The following LCOR variants were observed in gnomAD, a reference collection of about 807,000 sequenced individuals.
The protein encoded by LCOR is ligand-dependent corepressor.
A neutral mutation model predicts 64.4 loss-of-function variants in LCOR; 14 were observed. The ratio of observed to expected loss-of-function variants is 0.22; its 90% CI spans 0.14 to 0.34. The LOEUF is 0.34. Among genes scored for constraint, LCOR ranks in the 10% least tolerant of loss-of-function variants. The probability of loss-of-function intolerance (pLI) is 1.00; values close to 1 mark genes in which losing one functional copy is unlikely to be tolerated. For synonymous variants in LCOR, 643 were observed against 642.5 expected (o/e 1.00, Z -0.01); for missense variants, 1,686 against 1,765.3 (o/e 0.96, Z 0.80).
intron 4 of LCOR, among the ~76,000 whole-genome samples, chr10:96,917,510 A>C (rs1564625099): frequency 6.6e-6 from 1 of 152,226 alleles, no homozygotes; most frequent in African/African-American, 2.4e-5. Flanking sequence ...AAGAAAATAT[A>C]AGTACTGTAG....
chr10:96,958,232 G>T, intron 7 of LCOR: 1 of 1,330,412 alleles, frequency 7.5e-7, no homozygotes, highest in Non-Finnish European at 9.6e-7. Flanking sequence ...CATCACTAAA[G>T]GCCCATTAAA....
chr10:96,897,312 A>G (rs1846556065), intron 2 of LCOR, among the ~76,000 whole-genome samples: 1 of 152,234 alleles, frequency 6.6e-6, no homozygotes, highest in Non-Finnish European at 1.5e-5. Context: ...TGATTTACAA[A>G]CAGTGCTCAT....
chr10:96,878,362 T>C (rs1321027025), intron 2 of LCOR, among the ~76,000 whole-genome samples: 3 of 152,212 alleles, frequency 2.0e-5, no homozygotes, highest in Non-Finnish European at 2.9e-5. Context: ...AGGTTGCTCG[T>C]ACCAGATACT....
chr10:96,959,206 ATAGAG>A (rs1847842578), intron 7 of LCOR: 1 of 152,106 alleles, frequency 6.6e-6, no homozygotes, highest in African/African-American at 2.4e-5. Context: ...ACAATGTGTA[ATAGAG>A]ATTGGTCTAT....
chr10:96,858,624 G>A (rs567799078), intron 2 of LCOR, among the ~76,000 whole-genome samples: 5 of 152,318 alleles, frequency 3.3e-5, no homozygotes, highest in African/African-American at 1.2e-4. Context: ...CTAGCATTTA[G>A]TAATTAGGCT....
Position 96,983,220 on chromosome 10 carries a change from C to T in LCOR, c.2760C>T (p.Val920=). Residue 920 remains valine, a synonymous_variant, in exon 8 of 8, where the codon GTC becomes GTT. Coordinates refer to ENST00000421806, the MANE Select transcript of LCOR (RefSeq NM_001346516.2). This position sits in a 1 kb window ranked among gnomAD's most constrained non-coding sequence, Gnocchi z 4.5. ...TGAAAAACATGCTGGACAAAGAAGT[C>T]AAGGAGTTACGAGGAGAGATTTTCC... ...QTLKNMLDKE[V]KELRGEIFPS... 1 of 1,614,100 alleles carries T rather than the reference C, an allele frequency of 6.2e-7. No homozygotes were observed. Among genetic ancestry groups the T allele is most frequent in the Non-Finnish European group, 8.5e-7 (1 of 1,180,040 alleles).
chr10:96,970,644 TTTTATTTTA>T (rs1209989834), intron 7 of LCOR, among the ~76,000 whole-genome samples: 3 of 148,760 alleles, frequency 2.0e-5, no homozygotes, highest in African/African-American at 5.0e-5. Flanking sequence ...TTTTATTTTA[TTTTATTTTA>T]TTTATTTTAT....
At chr10:96,925,527 CCTT>C (rs1362648854) in intron 4 of LCOR, among the ~76,000 whole-genome samples, 1 of 152,138 alleles carries the variant, frequency 6.6e-6, no homozygotes, top group Non-Finnish European at 1.5e-5. Context: ...GATATATCCT[CCTT>C]TATGCATCAT....
rs1292022464 is a variant in LCOR, at chr10:96,994,483, A to G, written c.*9349A>G. On this transcript the variant is annotated 3_prime_UTR_variant, in exon 8 of 8. Transcript: ENST00000421806. ...AGATAACCATTAATAGAAGTAATGT[A>G]GTTTTTTAGGCTTTTGGAATATGTC... The G allele has an allele frequency of 1.3e-5, 2 of 152,362 alleles. No homozygotes were observed. Among genetic ancestry groups the G allele is most frequent in the Non-Finnish European group, 1.5e-5 (1 of 68,034 alleles). The allele number at this position is 152,362 out of a possible 1,614,324, so 9.4% of individuals were successfully genotyped here. A position where few individuals can be genotyped will look rare whatever the true frequency, so the allele number is the denominator to read the frequency against.
intron 4 of LCOR, among the ~76,000 whole-genome samples, chr10:96,942,296 A>G (rs1209248234): frequency 2.0e-5 from 3 of 151,918 alleles, no homozygotes; most frequent in Non-Finnish European, 4.4e-5. Flanking sequence ...AACGAAAACC[A>G]GTCAGGCGTG....
chr10:96,916,243 G>A (rs1183409184), intron 4 of LCOR, among the ~76,000 whole-genome samples: 1 of 152,046 alleles, frequency 6.6e-6, no homozygotes, highest in African/African-American at 2.4e-5. Flanking sequence ...TTGTTAGCCA[G>A]GATGGTCTCA....
intron 2 of LCOR, among the ~76,000 whole-genome samples, chr10:96,863,183 G>T (rs534605801): frequency 6.9e-5 from 10 of 145,302 alleles, no homozygotes; most frequent in African/African-American, 2.6e-4. Flanking sequence ...ATGCCCAGCC[G>T]AAGTAATATG....
At position 96,949,289 on chromosome 10, in the gene LCOR, G is replaced by C. The variant is rs746469489; in HGVS notation, c.232G>C (p.Glu78Gln). Residue 78 changes from glutamate (E) to glutamine (Q), a missense_variant, in exon 6 of 8, where the codon GAA (glutamate) becomes CAA (glutamine). This residue lies in a region of LCOR where 80 missense variants were observed against 107.7 expected (regional missense o/e 0.74). Transcript: ENST00000421806. ...CAGAAAGTCTCAGTCAGAACCTAGCGAACAAGGTATGGTTTGATGTCAAGG... is the reference window on the plus strand; with the variant it reads ...CAGAAAGTCTCAGTCAGAACCTAGCCAACAAGGTATGGTTTGATGTCAAGG... Reference protein sequence around the residue: ...TVRKSQSEPSEQDGVLDLSTK... With the variant: ...TVRKSQSEPSQQDGVLDLSTK... 1 of 1,613,774 alleles carries C rather than the reference G, an allele frequency of 6.2e-7. No homozygotes were observed. Among genetic ancestry groups the C allele is most frequent in the Non-Finnish European group, 8.5e-7 (1 of 1,179,912 alleles).
At chr10:96,955,483 T>C in intron 7 of LCOR, 3 of 1,614,118 alleles carry the variant, frequency 1.9e-6, no homozygotes, top group Non-Finnish European at 2.5e-6. Flanking sequence ...GAGAGCGCGC[T>C]TAGTAAAAAA....
At chr10:96,861,825 C>T (rs1239220936) in intron 2 of LCOR, among the ~76,000 whole-genome samples, 3 of 152,118 alleles carry the variant, frequency 2.0e-5, no homozygotes, top group South Asian at 2.1e-4. Context: ...AGTCACTGCG[C>T]CCAACCAAGG....
intron 4 of LCOR, among the ~76,000 whole-genome samples, chr10:96,930,836 G>A (rs1005863671): frequency 2.6e-5 from 4 of 152,168 alleles, no homozygotes; most frequent in African/African-American, 9.7e-5. Context: ...TGCCATGTGA[G>A]AGCGCAGCAA....
At chr10:96,943,051 A>G (rs917555287) in intron 4 of LCOR, among the ~76,000 whole-genome samples, 5 of 152,140 alleles carry the variant, frequency 3.3e-5, no homozygotes, top group African/African-American at 9.7e-5. Flanking sequence ...GGGGATGATT[A>G]TAGTGCAGCA....
At chr10:96,926,520 A>G (rs1317715168) in intron 4 of LCOR, among the ~76,000 whole-genome samples, 2 of 152,192 alleles carry the variant, frequency 1.3e-5, no homozygotes, top group Non-Finnish European at 2.9e-5. Context: ...TATATTCAGT[A>G]TCTTTAATAC....
chr10:96,951,248 A>G (rs1847673270), intron 6 of LCOR, among the ~76,000 whole-genome samples: 1 of 152,142 alleles, frequency 6.6e-6, no homozygotes, highest in Non-Finnish European at 1.5e-5. Flanking sequence ...TTGAGGGAAA[A>G]GAAAGTCTTC....
Sources: gnomAD v4.1 joint callset for allele counts (sites outside exome capture counted in the v4.1 genomes callset) on GRCh38, gnomAD v4.1.1 for gene constraint, gnomAD v4.1.1 regional missense constraint, Gnocchi (gnomAD v3.1) non-coding constraint, MANE v1.5 for transcripts, NCBI Gene and HGNC (gene_info 2026-07-23, HGNC 2026-07-21) for gene names.